Variants in PRH1 observed in about 807,000 individuals in gnomAD.
The protein encoded by PRH1 is salivary acidic proline-rich phosphoprotein 1/2.
A neutral mutation model predicts 7.9 loss-of-function variants in PRH1; 7 were observed. The ratio of observed to expected loss-of-function variants is 0.89; its 90% CI spans 0.50 to 1.67. The LOEUF (loss-of-function observed/expected upper bound fraction) is 1.67, where lower values mean the gene tolerates loss of function less well. Among genes scored for constraint, PRH1 ranks in the 40% most tolerant of loss-of-function variants. The probability of loss-of-function intolerance (pLI) is 0.00; values close to 1 mark genes in which losing one functional copy is unlikely to be tolerated. For synonymous variants in PRH1, 45 were observed against 80.8 expected (o/e 0.56, Z 2.38); for missense variants, 109 against 223.6 (o/e 0.49, Z 3.27).
chr12:10,946,704 C>T (rs1013133580), intron 2 of PRH1, among the ~76,000 whole-genome samples: 4 of 151,822 alleles, frequency 2.6e-5, no homozygotes, highest in African/African-American at 4.8e-5. Flanking sequence ...GTTCTTTTTT[C>T]TCTAATTCTT....
intron 1 of PRH1, among the ~76,000 whole-genome samples, chr12:11,162,254 C>T (rs779340180): frequency 1.2e-4 from 19 of 152,148 alleles, no homozygotes; most frequent in Non-Finnish European, 2.1e-4. Flanking sequence ...CCAGGGCAGG[C>T]GACTCCACAT....
intron 2 of PRH1, chr12:10,965,176 G>T: frequency 6.7e-7 from 1 of 1,484,782 alleles, no homozygotes; most frequent in Non-Finnish European, 9.1e-7. Context: ...ATATTACCCA[G>T]AGCAAACCAA....
intron 1 of PRH1, among the ~76,000 whole-genome samples, chr12:11,131,984 C>CT (rs1946357391): frequency 6.9e-6 from 1 of 145,658 alleles, no homozygotes; most frequent in Non-Finnish European, 1.5e-5. Flanking sequence ...ACGATCTCTT[C>CT]TTTTATGGTT....
chr12:11,145,567 C>A, intron 1 of PRH1, among the ~76,000 whole-genome samples: 1 of 152,078 alleles, frequency 6.6e-6, no homozygotes, highest in Non-Finnish European at 1.5e-5. Flanking sequence ...AAATTAAATT[C>A]CTGAAAATGT....
At chr12:10,897,661 T>A (rs1949666942) in intron 2 of PRH1, among the ~76,000 whole-genome samples, 3 of 152,090 alleles carry the variant, frequency 2.0e-5, no homozygotes, top group Admixed American at 6.6e-5. Flanking sequence ...CGGAAGGCAA[T>A]GGGGAAATCA....
intron 2 of PRH1, chr12:10,965,136 G>C: frequency 2.1e-6 from 3 of 1,421,152 alleles, no homozygotes; most frequent in Non-Finnish European, 2.9e-6. Flanking sequence ...TATGAACCTG[G>C]ATTCAAAACA....
In PRH1 at chr12:11,081,977, A is replaced by G. The variant is rs376027268; in HGVS notation, n.124-34789T>C. On this transcript the variant is annotated intron_variant and non_coding_transcript_variant, in intron 1 of 4. Coordinates refer to the PRH1 transcript ENST00000541977. Reference sequence around the variant, plus strand: ...TACATGGATTAGTTTAATATAATTTATAATTGTTTCCTTAAGCATTGTATT... The same window carrying G: ...TACATGGATTAGTTTAATATAATTTGTAATTGTTTCCTTAAGCATTGTATT... Among the ~76,000 whole-genome samples the G allele has an allele frequency of 1.8e-5, 2 of 113,010 alleles. 1 individual carries two copies. Among genetic ancestry groups the G allele is most frequent in the East Asian group, 4.3e-4 (2 of 4,690 alleles). 74.1% of individuals were successfully genotyped at this position (113,010 alleles called of 152,430 possible).
intron 1 of PRH1, among the ~76,000 whole-genome samples, chr12:11,084,504 A>G (rs1944617932): frequency 6.7e-6 from 1 of 148,438 alleles, no homozygotes; most frequent in Non-Finnish European, 1.5e-5. Flanking sequence ...CATCTTAATC[A>G]GATAATGCCA....
At chr12:10,927,692 C>T (rs1950142353) in intron 2 of PRH1, among the ~76,000 whole-genome samples, 1 of 152,184 alleles carries the variant, frequency 6.6e-6, no homozygotes, top group Non-Finnish European at 1.5e-5. Context: ...CAGGATCCAC[C>T]CATGCACATC....
At chr12:11,037,358 G>A (rs7132024) in intron 1 of PRH1, among the ~76,000 whole-genome samples, 4,805 of 152,250 alleles carry the variant, frequency 0.032, 249 homozygotes, top group African/African-American at 0.11. Context: ...TGCTAAATAT[G>A]TTTTATACGT....
rs753999414 is a variant in PRH1 at position 11,133,255 on chromosome 12, A to C, written n.40-12075T>G. On this transcript the variant is annotated intron_variant and non_coding_transcript_variant, in intron 1 of 1. Transcript: ENST00000541175. ...CAGAAAACCCAGTAAGAAATATAAA[A>C]TGTTTCATACACCACCAGTTTGTTT... The C allele has an allele frequency of 9.6e-6, 15 of 1,556,618 alleles. No homozygotes were observed. In the East Asian group the frequency reaches 1.3e-4, roughly 14 times the overall value.
At chr12:11,140,763 T>A (rs1232620751) in intron 1 of PRH1, among the ~76,000 whole-genome samples, 1 of 152,180 alleles carries the variant, frequency 6.6e-6, no homozygotes, top group Non-Finnish European at 1.5e-5. Context: ...CTCCATAATT[T>A]GTTTTCAGCA....
At chr12:11,069,332 G>A (rs1943960860) in intron 1 of PRH1, among the ~76,000 whole-genome samples, 2 of 152,066 alleles carry the variant, frequency 1.3e-5, no homozygotes, top group African/African-American at 2.4e-5. Context: ...TCACCCTTAC[G>A]CTTGTCTGTT....
Position 11,097,400 on chromosome 12 carries a change from T to C in PRH1, n.124-50212A>G, listed in dbSNP as rs1187932640. On this transcript the variant is annotated intron_variant and non_coding_transcript_variant, in intron 1 of 4. Coordinates refer to the PRH1 transcript ENST00000541977. ...TTGACAGTTTGGTCCTAAAATCCGC[T>C]CTTTAGAAATAAAAGCGTGCTCAAA... The C allele has an allele frequency of 2.6e-5, 3 of 116,224 alleles. 1 individual carries two copies. The highest frequency in any genetic ancestry group is 6.1e-5 in the Non-Finnish European group (3 of 48,878). The allele number at this position is 116,224 out of a possible 1,614,324, so 7.2% of individuals were successfully genotyped here.
chr12:11,037,176 G>C (rs36051734), intron 1 of PRH1, among the ~76,000 whole-genome samples: 1 of 151,396 alleles, frequency 6.6e-6, no homozygotes, highest in Non-Finnish European at 1.5e-5. Flanking sequence ...TGGACAAATA[G>C]TCTATGCAAT....
At chr12:10,941,496 G>T (rs1419620559) in intron 2 of PRH1, among the ~76,000 whole-genome samples, 2 of 151,646 alleles carry the variant, frequency 1.3e-5, no homozygotes, top group Non-Finnish European at 2.9e-5. Flanking sequence ...ACTTTTTTAT[G>T]CATCAAAATT....
intron 1 of PRH1, chr12:10,985,912 C>A (rs1939592101): frequency 6.5e-7 from 1 of 1,531,396 alleles, no homozygotes; most frequent in African/African-American, 1.4e-5. Flanking sequence ...AATACACACA[C>A]AATGTCCCAC....
chr12:11,108,469 G>C (rs1945493840), intron 1 of PRH1, among the ~76,000 whole-genome samples: 1 of 152,156 alleles, frequency 6.6e-6, no homozygotes, highest in African/African-American at 2.4e-5. Context: ...TGAGTTACAT[G>C]GCTCATCTCA....
chr12:10,948,344 T>C (rs1401782127), intron 2 of PRH1, among the ~76,000 whole-genome samples: 2 of 152,248 alleles, frequency 1.3e-5, no homozygotes, highest in Admixed American at 6.5e-5. Context: ...TTTTTCTTTA[T>C]TTTTGTCTGA....
Sources: allele counts gnomAD v4.1 joint callset (sites outside exome capture counted in the v4.1 genomes callset), GRCh38; gene constraint gnomAD v4.1.1; transcripts MANE v1.5; gene names NCBI Gene and HGNC (gene_info 2026-07-23, HGNC 2026-07-21).